The following OSBPL6 variants were observed in gnomAD, a reference collection of about 807,000 sequenced individuals.
The protein encoded by OSBPL6 is oxysterol binding protein like 6.
A neutral mutation model predicts 125.8 loss-of-function variants in OSBPL6; 49 were observed. That is an observed-to-expected ratio of 0.39 (90% CI 0.31 to 0.49). The LOEUF is 0.49. OSBPL6 is among the 20% of genes least tolerant of loss of function. The probability of loss-of-function intolerance (pLI) is 0.88; values close to 1 mark genes in which losing one functional copy is unlikely to be tolerated. For synonymous variants in OSBPL6, 394 were observed against 391.8 expected (o/e 1.01, Z -0.07); for missense variants, 986 against 1,135.4 (o/e 0.87, Z 1.89).
intron 1 of OSBPL6, among the ~76,000 whole-genome samples, chr2:178,197,021 C>A (rs1242710859): frequency 7.1e-6 from 1 of 141,608 alleles, no homozygotes; most frequent in African/African-American, 2.6e-5. Context: ...CTCTTTTCTC[C>A]TCTCTGACCA....
At chr2:178,251,642 G>A (rs866277484) in intron 1 of OSBPL6, among the ~76,000 whole-genome samples, 1 of 152,240 alleles carries the variant, frequency 6.6e-6, no homozygotes, top group South Asian at 2.1e-4. Flanking sequence ...AGAAGTTTTA[G>A]TTTTGAAGGC....
At chr2:178,273,118 A>G (rs2092403761) in intron 1 of OSBPL6, among the ~76,000 whole-genome samples, 1 of 152,160 alleles carries the variant, frequency 6.6e-6, no homozygotes, top group Non-Finnish European at 1.5e-5. Context: ...CAGAGTGGGT[A>G]AAGAGTGAGT....
intron 20 of OSBPL6, 133 bp downstream of exon 20, chr2:178,387,272 T>C (rs1695027146): frequency 1.6e-6 from 1 of 637,460 alleles, no homozygotes; most frequent in African/African-American, 1.9e-5. Flanking sequence ...GCCAAAGTTT[T>C]GAGAATAGAC....
chr2:178,267,817 C>CA (rs71023437), intron 1 of OSBPL6, among the ~76,000 whole-genome samples: 113 of 132,960 alleles, frequency 8.5e-4, no homozygotes, highest in African/African-American at 1.9e-3. Context: ...CAAGTAATTG[C>CA]AAAAAAAAAA....
intron 1 of OSBPL6, among the ~76,000 whole-genome samples, chr2:178,220,716 A>G (rs796720163): frequency 8.5e-5 from 13 of 152,246 alleles, no homozygotes; most frequent in African/African-American, 3.1e-4. Context: ...GCTGAAATGT[A>G]TTTTTCTGTT....
intron 23 of OSBPL6, 88 bp from the exon 24 acceptor site, chr2:178,394,225 C>CA: frequency 6.6e-7 from 1 of 1,507,358 alleles, no homozygotes; most frequent in Non-Finnish European, 9.1e-7. Flanking sequence ...ATGTTCATAG[C>CA]AATTAGAAAA....
intron 12 of OSBPL6, among the ~76,000 whole-genome samples, chr2:178,357,935 G>A (rs1381668220): frequency 6.6e-6 from 1 of 152,182 alleles, no homozygotes; most frequent in Non-Finnish European, 1.5e-5. Context: ...TCCTTTGCAG[G>A]GACATGGATG....
intron 2 of OSBPL6, among the ~76,000 whole-genome samples, chr2:178,291,108 T>G (rs190641126): frequency 3.8e-3 from 243 of 64,580 alleles, no homozygotes; most frequent in African/African-American, 8.3e-3. Flanking sequence ...CTATGAGGTG[T>G]TTTTTTTTTT....
chr2:178,195,137 C>T (rs2088798147), intron 1 of OSBPL6, among the ~76,000 whole-genome samples: 1 of 152,216 alleles, frequency 6.6e-6, no homozygotes, highest in African/African-American at 2.4e-5. Flanking sequence ...CGAGAGCTAA[C>T]GCCTACGCCG....
chr2:178,231,799 G>T (rs941386566), intron 1 of OSBPL6, among the ~76,000 whole-genome samples: 3 of 151,980 alleles, frequency 2.0e-5, no homozygotes, highest in Middle Eastern at 3.4e-3. Flanking sequence ...GAAGTGCACT[G>T]CTGTGTCCCT....
chr2:178,349,503 T>C (rs1309264918), intron 12 of OSBPL6, 114 bp downstream of exon 12: 3 of 1,295,574 alleles, frequency 2.3e-6, no homozygotes, highest in East Asian at 2.4e-5. Context: ...AATGGTTGGA[T>C]ATAGTGGTTG....
At chr2:178,374,533 G>A (rs1412718980) in intron 15 of OSBPL6, among the ~76,000 whole-genome samples, 2 of 152,196 alleles carry the variant, frequency 1.3e-5, no homozygotes, top group African/African-American at 2.4e-5. Flanking sequence ...CATAAAAGCT[G>A]TACTGGATTG....
chr2:178,313,250 CA>C (rs1687450604), intron 3 of OSBPL6, among the ~76,000 whole-genome samples: 1 of 152,222 alleles, frequency 6.6e-6, no homozygotes, highest in Non-Finnish European at 1.5e-5. Flanking sequence ...GAGGCATTTT[CA>C]GTAGTTCTGG....
At chr2:178,267,760 C>T (rs1271624735) in intron 1 of OSBPL6, among the ~76,000 whole-genome samples, 3 of 146,708 alleles carry the variant, frequency 2.0e-5, no homozygotes, top group Non-Finnish European at 4.5e-5. Flanking sequence ...AAGGAATTTA[C>T]ATTTTAAATT....
intron 12 of OSBPL6, among the ~76,000 whole-genome samples, chr2:178,351,787 A>T (rs989517918): frequency 2.6e-5 from 4 of 152,178 alleles, no homozygotes; most frequent in Non-Finnish European, 4.4e-5. Flanking sequence ...GGGCTAAATG[A>T]TAACAACTTA....
intron 3 of OSBPL6, among the ~76,000 whole-genome samples, chr2:178,316,182 T>G (rs1029612802): frequency 6.6e-6 from 1 of 152,196 alleles, no homozygotes; most frequent in Admixed American, 6.6e-5. Flanking sequence ...TTCAAGGAAA[T>G]AGATACTCTC....
chr2:178,336,094 A>G (rs1202287802), intron 8 of OSBPL6, among the ~76,000 whole-genome samples: 1 of 152,234 alleles, frequency 6.6e-6, no homozygotes, highest in African/African-American at 2.4e-5. Context: ...TCATTGAATG[A>G]TGGAGATGGC....
chr2:178,234,499 G>A (rs539701765), intron 1 of OSBPL6, among the ~76,000 whole-genome samples: 10 of 152,242 alleles, frequency 6.6e-5, no homozygotes, highest in African/African-American at 1.7e-4. Context: ...AATGTACAGG[G>A]AGGTACTGTG....
chr2:178,213,014 G>A (rs924441985), intron 1 of OSBPL6, among the ~76,000 whole-genome samples: 3 of 152,082 alleles, frequency 2.0e-5, no homozygotes, highest in African/African-American at 4.8e-5. Context: ...TCACGGTGTT[G>A]ATCAGGCTGG....
Sources: allele counts gnomAD v4.1 joint callset (sites outside exome capture counted in the v4.1 genomes callset), GRCh38; gene constraint gnomAD v4.1.1; transcripts MANE v1.5; gene names NCBI Gene and HGNC (gene_info 2026-07-23, HGNC 2026-07-21).